The following VAT1L variants were observed in gnomAD, a reference collection of about 807,000 sequenced individuals.
VAT1L encodes the protein putative NADPH-dependent quinone oxidoreductase VAT1L.
VAT1L carries 34 observed loss-of-function variants against 44.1 expected under a neutral mutation model. The ratio of observed to expected loss-of-function variants is 0.77; its 90% CI spans 0.59 to 1.03. The LOEUF (loss-of-function observed/expected upper bound fraction) is 1.03, where lower values mean the gene tolerates loss of function less well. Among genes scored for constraint, VAT1L ranks in the 50% least tolerant of loss-of-function variants. The pLI is 0.00. For missense variants in VAT1L, 615 were observed against 538.8 expected, an observed-to-expected ratio of 1.14 and a Z score of -1.40; for synonymous variants, 253 against 202.2, an observed-to-expected ratio of 1.25 and a Z score of -2.13.
intron 3 of VAT1L, among the ~76,000 whole-genome samples, chr16:77,841,855 CA>C (rs2016709444): frequency 6.6e-6 from 1 of 152,058 alleles, no homozygotes; most frequent in South Asian, 2.1e-4. Flanking sequence ...AGCCTTTATC[CA>C]TCAGGAGAAG....
At chr16:77,848,323 C>G (rs749650453) in intron 3 of VAT1L, among the ~76,000 whole-genome samples, 1 of 152,164 alleles carries the variant, frequency 6.6e-6, no homozygotes, top group Admixed American at 6.5e-5. Flanking sequence ...GCTCCTCTTG[C>G]ACCAGGTAGG....
At chr16:77,908,357 G>C (rs888161994) in intron 7 of VAT1L, among the ~76,000 whole-genome samples, 3 of 151,134 alleles carry the variant, frequency 2.0e-5, no homozygotes, top group African/African-American at 7.3e-5. Context: ...TGCTACTTGG[G>C]AGGCTGAGGC....
intron 7 of VAT1L, among the ~76,000 whole-genome samples, chr16:77,959,744 A>C (rs1283775786): frequency 6.6e-6 from 1 of 152,176 alleles, no homozygotes; most frequent in Non-Finnish European, 1.5e-5. Flanking sequence ...ACAAAGACTG[A>C]GGATTATTAA....
intron 7 of VAT1L, among the ~76,000 whole-genome samples, chr16:77,904,280 CTTTTAA>C (rs998915159): frequency 2.0e-5 from 3 of 150,828 alleles, no homozygotes; most frequent in East Asian, 1.9e-4. Flanking sequence ...TTTACAACAG[CTTTTAA>C]TTTTAACATG....
At chr16:77,935,941 T>C (rs1241869682) in intron 7 of VAT1L, among the ~76,000 whole-genome samples, 1 of 152,190 alleles carries the variant, frequency 6.6e-6, no homozygotes, top group African/African-American at 2.4e-5. Flanking sequence ...GGTAGATGCC[T>C]AATAAATACT....
chr16:77,958,585 T>C (rs1167052088), intron 7 of VAT1L, among the ~76,000 whole-genome samples: 1 of 152,190 alleles, frequency 6.6e-6, no homozygotes, highest in East Asian at 1.9e-4. Context: ...CCAGATTTTT[T>C]TTTCCCTCTG....
intron 7 of VAT1L, among the ~76,000 whole-genome samples, chr16:77,933,488 CTG>C (rs1241089255): frequency 6.6e-6 from 1 of 152,164 alleles, no homozygotes; most frequent in Non-Finnish European, 1.5e-5. Context: ...GAATTTAAAA[CTG>C]TATGAGGATA....
chr16:77,977,654 G>C lies in VAT1L; in HGVS notation c.1219G>C (p.Gly407Arg). Reference protein sequence around the residue: ...EAGEEEEDHEGDSENKERMPF... With the variant: ...EAGEEEEDHERDSENKERMPF... ...AGGGGAAGAGGAGGAGGACCACGAG[G>C]GAGACAGCGAGAACAAGGAGCGGAT... Residue 407 changes from glycine to arginine, a missense_variant, in exon 9 of 9, where the codon GGA becomes CGA. Physicochemically the swap from Gly to Arg is moderately radical, Grantham distance 125 (BLOSUM62 -2). Transcript: ENST00000302536. 1 of 1,614,078 alleles carries C rather than the reference G, an allele frequency of 6.2e-7. No individual in the cohort carries two copies. The highest frequency in any genetic ancestry group is 8.5e-7 in the Non-Finnish European group (1 of 1,179,984).
chr16:77,930,378 A>AT (rs1414181141), intron 7 of VAT1L, among the ~76,000 whole-genome samples: 8 of 152,156 alleles, frequency 5.3e-5, no homozygotes, highest in African/African-American at 1.9e-4. Flanking sequence ...CACCTACCCC[A>AT]TCCATTGATC....
rs2142461613 is a variant in VAT1L, at chr16:77,884,876, T to C, written c.1077+74T>C. 1 of 1,388,908 alleles carries C rather than the reference T, an allele frequency of 7.2e-7. No homozygotes were observed. The highest frequency in any genetic ancestry group is 9.4e-7 in the Non-Finnish European group (1 of 1,060,970). 86.0% of individuals were successfully genotyped at this position (1,388,908 alleles called of 1,614,324 possible). Reference sequence around the variant, plus strand: ...GGAAGGTTTGGGCAGCCAAATACAATCTTCTACTAAATGATTTTTTTCCCA... The same window carrying C: ...GGAAGGTTTGGGCAGCCAAATACAACCTTCTACTAAATGATTTTTTTCCCA... On this transcript the variant is annotated intron_variant, in intron 7 of 8. Coordinates refer to ENST00000302536, the MANE Select transcript of VAT1L (RefSeq NM_020927.3). The surrounding 1 kb of genome is among the most constrained non-coding windows in gnomAD (Gnocchi z 4.5).
chr16:77,926,645 G>A (rs907882591), intron 7 of VAT1L, among the ~76,000 whole-genome samples: 3 of 152,122 alleles, frequency 2.0e-5, no homozygotes, highest in African/African-American at 7.2e-5. Context: ...ACATGGAAGT[G>A]TGGCCAGGTT....
At chr16:77,838,744 CCT>C (rs2016668549) in intron 3 of VAT1L, among the ~76,000 whole-genome samples, 1 of 151,680 alleles carries the variant, frequency 6.6e-6, no homozygotes, top group African/African-American at 2.4e-5. Flanking sequence ...TGTCTCCCTT[CCT>C]CTCTTTTCCG....
At chr16:77,901,141 C>A (rs1165683576) in intron 7 of VAT1L, among the ~76,000 whole-genome samples, 1 of 141,840 alleles carries the variant, frequency 7.1e-6, no homozygotes, top group East Asian at 2.1e-4. Context: ...AGGTGTGTGA[C>A]CAGTAGTTTA....
At chr16:77,929,495 A>G (rs777066511) in intron 7 of VAT1L, among the ~76,000 whole-genome samples, 13 of 152,198 alleles carry the variant, frequency 8.5e-5, no homozygotes, top group Non-Finnish European at 1.8e-4. Flanking sequence ...CAAATCATGG[A>G]TGTATTCCAG....
chr16:77,858,428 G>C (rs999898306), intron 3 of VAT1L, among the ~76,000 whole-genome samples: 43 of 152,314 alleles, frequency 2.8e-4, no homozygotes, highest in Admixed American at 5.2e-4. Context: ...AATGTAATAA[G>C]ACCAAGAAAA....
intron 7 of VAT1L, chr16:77,892,802 G>T: frequency 2.5e-6 from 2 of 802,024 alleles, no homozygotes; most frequent in Non-Finnish European, 4.5e-6. Context: ...CAAGCATGTG[G>T]TCTTTGACAA....
intron 2 of VAT1L, among the ~76,000 whole-genome samples, chr16:77,819,879 T>C (rs1597179194): frequency 6.6e-6 from 1 of 152,248 alleles, no homozygotes; most frequent in African/African-American, 2.4e-5. Flanking sequence ...GGAACCAATC[T>C]GTTCTTTTAG....
chr16:77,810,954 G>A (rs796701446), intron 1 of VAT1L, among the ~76,000 whole-genome samples: 21 of 152,268 alleles, frequency 1.4e-4, no homozygotes, highest in African/African-American at 4.8e-4. Flanking sequence ...ATAAAACAAT[G>A]GGTTTCTGAA....
At chr16:77,901,229 T>C (rs1429207542) in intron 7 of VAT1L, among the ~76,000 whole-genome samples, 1 of 136,484 alleles carries the variant, frequency 7.3e-6, no homozygotes, top group Non-Finnish European at 1.5e-5. Flanking sequence ...AGTGGCGACA[T>C]CTCAGCTCAC....
Sources: gnomAD v4.1 joint callset for allele counts (sites outside exome capture counted in the v4.1 genomes callset) on GRCh38, gnomAD v4.1.1 for gene constraint, Gnocchi (gnomAD v3.1) non-coding constraint, MANE v1.5 for transcripts, NCBI Gene and HGNC (gene_info 2026-07-23, HGNC 2026-07-21) for gene names.